MCPH1: variants seen among roughly 807,000 people sequenced by gnomAD.
MCPH1 encodes the protein microcephalin 1.
In MCPH1, 104 loss-of-function variants were observed where a neutral mutation model predicts 84.5. The observed-to-expected ratio is 1.23, with a 90% CI of 1.05 to 1.45. MCPH1 has a LOEUF of 1.45. Ranked by LOEUF, MCPH1 falls within the 40% of genes most tolerant of loss-of-function variation. The probability of loss-of-function intolerance (pLI) is 0.00; values close to 1 mark genes in which losing one functional copy is unlikely to be tolerated. For synonymous variants in MCPH1, 514 were observed against 366.8 expected (o/e 1.40, Z -4.58); for missense variants, 1,498 against 1,005.7 (o/e 1.49, Z -6.62).
intron 8 of MCPH1, chr8:6,446,833 G>C (rs984174860): frequency 1.0e-6 from 1 of 985,266 alleles, no homozygotes; most frequent in Non-Finnish European, 1.2e-6. Context: ...GTTGCTGGGA[G>C]TGTGCTAGTC....
At chr8:6,577,351 G>C (rs543832705) in intron 12 of MCPH1, among the ~76,000 whole-genome samples, 1 of 152,168 alleles carries the variant, frequency 6.6e-6, no homozygotes, top group Non-Finnish European at 1.5e-5. Flanking sequence ...TAGATGTATA[G>C]GTCAGCAGCT....
chr8:6,454,427 C>G (rs1447739183), intron 8 of MCPH1, among the ~76,000 whole-genome samples: 1 of 152,154 alleles, frequency 6.6e-6, no homozygotes, highest in African/African-American at 2.4e-5. Flanking sequence ...GCTCCTCCTT[C>G]AAAATCCCAT....
rs747569467 is a variant in MCPH1, at chr8:6,532,296, G to T, written c.2214+32367G>T. On this transcript the variant is annotated intron_variant, in intron 12 of 13. Transcript: ENST00000344683. ...CGCGACTGAGTGCTAGTCTCTAGCTGCAGGGACACCGTGTGCTTTATGTGG... is the reference window on the plus strand; with the variant it reads ...CGCGACTGAGTGCTAGTCTCTAGCTTCAGGGACACCGTGTGCTTTATGTGG... The T allele has an allele frequency of 1.2e-5, 20 of 1,613,224 alleles. No individual in the cohort carries two copies. In the South Asian group the frequency reaches 1.6e-4, roughly 13 times the overall value.
chr8:6,550,670 T>C (rs530274267), intron 12 of MCPH1, among the ~76,000 whole-genome samples: 11 of 152,290 alleles, frequency 7.2e-5, no homozygotes, highest in Non-Finnish European at 1.2e-4. Context: ...GGATTTTATA[T>C]TGAAATCTTT....
At chr8:6,503,526 C>T (rs866765899) in intron 12 of MCPH1, among the ~76,000 whole-genome samples, 8 of 152,126 alleles carry the variant, frequency 5.3e-5, no homozygotes, top group South Asian at 4.1e-4. Context: ...CTGAATTCTC[C>T]ACAGTCCTAT....
intron 1 of MCPH1, among the ~76,000 whole-genome samples, chr8:6,408,263 C>T (rs1222461022): frequency 6.6e-6 from 1 of 152,248 alleles, no homozygotes; most frequent in Admixed American, 6.5e-5. Context: ...GAGTCTTACT[C>T]TCTTGCCCAG....
chr8:6,472,177 C>G (rs1435345744), intron 9 of MCPH1, among the ~76,000 whole-genome samples: 1 of 151,856 alleles, frequency 6.6e-6, no homozygotes, highest in Middle Eastern at 3.4e-3. Context: ...CAAAATAGTC[C>G]CAAGACATAA....
chr8:6,417,328 A>G (rs1008661947), intron 3 of MCPH1, among the ~76,000 whole-genome samples: 7 of 152,202 alleles, frequency 4.6e-5, no homozygotes, highest in African/African-American at 1.7e-4. Flanking sequence ...TCTGCTCAAC[A>G]GCTCAGCTCT....
chr8:6,588,165 G>T (rs1828145383), intron 12 of MCPH1, among the ~76,000 whole-genome samples: 1 of 152,066 alleles, frequency 6.6e-6, no homozygotes, highest in African/African-American at 2.4e-5. Flanking sequence ...CTGACACTGG[G>T]GCCAGATGGG....
chr8:6,446,853 A>C (rs1282141180), intron 8 of MCPH1: 1 of 985,274 alleles, frequency 1.0e-6, no homozygotes, highest in Non-Finnish European at 1.2e-6. Context: ...CCTCGGAAGC[A>C]GGTGTGTTAT....
intron 12 of MCPH1, among the ~76,000 whole-genome samples, chr8:6,523,132 G>A (rs1429490569): frequency 6.6e-6 from 1 of 151,982 alleles, no homozygotes; most frequent in East Asian, 1.9e-4. Flanking sequence ...CGAGTAGCTG[G>A]GACTACAGGC....
At chr8:6,615,005 C>A (rs1307823189) in intron 12 of MCPH1, among the ~76,000 whole-genome samples, 1 of 152,220 alleles carries the variant, frequency 6.6e-6, no homozygotes, top group African/African-American at 2.4e-5. Flanking sequence ...CTTGTCTGCT[C>A]AGGTTTCTAA....
intron 9 of MCPH1, among the ~76,000 whole-genome samples, chr8:6,465,674 C>G (rs1477780452): frequency 6.8e-6 from 1 of 147,484 alleles, no homozygotes; most frequent in Non-Finnish European, 1.5e-5. Flanking sequence ...CAAGGAAGGG[C>G]GGAGGGCGGG....
chr8:6,579,833 G>T (rs1021326174), intron 12 of MCPH1, among the ~76,000 whole-genome samples: 3 of 152,154 alleles, frequency 2.0e-5, no homozygotes, highest in Non-Finnish European at 4.4e-5. Context: ...TGCAGAAGTG[G>T]AATTTATTGA....
At chr8:6,505,286 G>T (rs1563305573) in intron 12 of MCPH1, among the ~76,000 whole-genome samples, 4,615 of 29,778 alleles carry the variant, frequency 0.15, 938 homozygotes, top group African/African-American at 0.33. Context: ...ACATATATAT[G>T]TTATATACAT....
At chr8:6,532,089 A>T (rs2129571756) in intron 12 of MCPH1, among the ~76,000 whole-genome samples, 1 of 152,294 alleles carries the variant, frequency 6.6e-6, no homozygotes, top group South Asian at 2.1e-4. Context: ...CATGAAAATG[A>T]CTCACATGTC....
chr8:6,444,856 G>A lies in MCPH1; in HGVS notation c.1134G>A (p.Arg378=). Residue 378 remains arginine (R), a synonymous_variant, in exon 8 of 14, where the codon AGG becomes AGA. Coordinates refer to ENST00000344683, the MANE Select transcript of MCPH1 (RefSeq NM_024596.5). ...AATGCAAGAGAAAGAGGAGCACCAG[G>A]AGATCTATCATGCCGAGGCTGCAGC... is the stretch of plus-strand genomic sequence containing the variant. The part of the protein sequence containing the change: ...KEKCKRKRST[R]RSIMPRLQLC... 1 of 1,614,166 alleles carries A rather than the reference G, an allele frequency of 6.2e-7. No individual in the cohort carries two copies. The highest frequency in any genetic ancestry group is 1.1e-5 in the South Asian group (1 of 91,080).
chr8:6,449,158 T>C (rs997009611), intron 8 of MCPH1, among the ~76,000 whole-genome samples: 3 of 152,192 alleles, frequency 2.0e-5, no homozygotes, highest in African/African-American at 7.2e-5. Context: ...GCTGATTCGA[T>C]GTCAGTCCAC....
At chr8:6,467,239 A>C (rs1276248496) in intron 9 of MCPH1, among the ~76,000 whole-genome samples, 1 of 152,226 alleles carries the variant, frequency 6.6e-6, no homozygotes, top group Admixed American at 6.5e-5. Context: ...GTGACTGTCA[A>C]ACCAGTGACT....
Sources: gnomAD v4.1 joint callset for allele counts (sites outside exome capture counted in the v4.1 genomes callset) on GRCh38, gnomAD v4.1.1 for gene constraint, MANE v1.5 for transcripts, NCBI Gene and HGNC (gene_info 2026-07-23, HGNC 2026-07-21) for gene names.